Variants in DCAF8L2 observed in about 807,000 individuals in gnomAD.
The protein encoded by DCAF8L2 is DDB1 and CUL4 associated factor 8 like 2, also known as DDB1- and CUL4-associated factor 8-like protein 2.
For synonymous variants in DCAF8L2, 200 were observed against 190.9 expected (o/e 1.05, Z -0.39); for missense variants, 430 against 490.7 (o/e 0.88, Z 1.17).
intron 4 of DCAF8L2, among the ~76,000 whole-genome samples, chrX:27,732,343 T>C (rs1921256294): frequency 9.0e-6 from 1 of 111,481 alleles, no homozygotes; most frequent in South Asian, 3.8e-4. Flanking sequence ...CCGCTTTTTT[T>C]AGATTCTGCA....
intron 1 of DCAF8L2, among the ~76,000 whole-genome samples, chrX:27,590,644 A>C (rs1377562999): frequency 9.0e-6 from 1 of 110,822 alleles, no homozygotes; most frequent in African/African-American, 3.3e-5. Context: ...GAGAAATCTT[A>C]CTTGTTTTTC....
the DCAF8L2 span, among the ~76,000 whole-genome samples, chrX:27,494,340 A>G: frequency 9.0e-6 from 1 of 111,298 alleles, no homozygotes; most frequent in Non-Finnish European, 1.9e-5. Flanking sequence ...TGAGAGGCAG[A>G]GGTTGCGGTG....
At chrX:27,733,122 G>A (rs1344261022) in intron 4 of DCAF8L2, among the ~76,000 whole-genome samples, 1 of 111,166 alleles carries the variant, frequency 9.0e-6, no homozygotes, top group Non-Finnish European at 1.9e-5. Context: ...CTCCCAAAGT[G>A]CTGGGATTAC....
intron 3 of DCAF8L2, among the ~76,000 whole-genome samples, chrX:27,705,573 T>C (rs1430372238): frequency 2.7e-5 from 3 of 111,855 alleles, no homozygotes; most frequent in Admixed American, 9.5e-5. Context: ...CATATGCTTG[T>C]TGGCTGCATG....
At chrX:27,688,502 C>T (rs1436478090) in intron 3 of DCAF8L2, among the ~76,000 whole-genome samples, 1 of 111,649 alleles carries the variant, frequency 9.0e-6, no homozygotes. Context: ...CCCAAAAGGA[C>T]AACTATGAGT....
chrX:27,546,732 T>C, the DCAF8L2 span, among the ~76,000 whole-genome samples: 1 of 112,274 alleles, frequency 8.9e-6, no homozygotes, highest in African/African-American at 3.2e-5. Flanking sequence ...TGTACCTTGG[T>C]CCCTTTTAGC....
At chrX:27,719,696 C>T (rs1009697805) in intron 4 of DCAF8L2, among the ~76,000 whole-genome samples, 2 of 111,348 alleles carry the variant, frequency 1.8e-5, no homozygotes, top group Admixed American at 1.9e-4. Context: ...CCGCACACCT[C>T]AGCCTCCCAA....
intron 4 of DCAF8L2, among the ~76,000 whole-genome samples, chrX:27,744,925 A>G (rs1276585222): frequency 8.9e-6 from 1 of 111,868 alleles, no homozygotes; most frequent in Non-Finnish European, 1.9e-5. Flanking sequence ...CTGACCTTTT[A>G]ACCAAGTAAA....
chrX:27,630,120 T>A (rs1928223861), intron 1 of DCAF8L2, among the ~76,000 whole-genome samples: 1 of 111,846 alleles, frequency 8.9e-6, no homozygotes, highest in Non-Finnish European at 1.9e-5. Context: ...ATTGTTAGTG[T>A]GTAAAAAGCT....
At chrX:27,529,788 C>A in the DCAF8L2 span, among the ~76,000 whole-genome samples, 1 of 111,831 alleles carries the variant, frequency 8.9e-6, no homozygotes, top group Non-Finnish European at 1.9e-5. Flanking sequence ...CAGTAAGTAT[C>A]TGAACCTCAC....
At chrX:27,610,201 T>C (rs958555206) in intron 1 of DCAF8L2, among the ~76,000 whole-genome samples, 1 of 111,483 alleles carries the variant, frequency 9.0e-6, no homozygotes, top group African/African-American at 3.3e-5. Context: ...ATACCTACAA[T>C]AAGTATGTAC....
At chrX:27,548,507 A>C in the DCAF8L2 span, among the ~76,000 whole-genome samples, 1 of 111,825 alleles carries the variant, frequency 8.9e-6, no homozygotes, top group Non-Finnish European at 1.9e-5. Context: ...TCCAGTTAAA[A>C]GAGTTTATTC....
chrX:27,692,778 G>A (rs1930757900), intron 3 of DCAF8L2, among the ~76,000 whole-genome samples: 2 of 111,201 alleles, frequency 1.8e-5, no homozygotes, highest in Non-Finnish European at 3.8e-5. Flanking sequence ...GAAAGTTTCT[G>A]GAGACACTCT....
upstream of DCAF8L2, among the ~76,000 whole-genome samples, chrX:27,587,985 A>AAAAAAATATATATATATATATATATAT: frequency 1.3e-4 from 3 of 22,369 alleles, no homozygotes; most frequent in African/African-American, 3.0e-4. Flanking sequence ...TAAAAAAAAA[A>AAAAAAATATATATATATATATATATAT]ATATATATAT....
the DCAF8L2 span, among the ~76,000 whole-genome samples, chrX:27,470,450 T>C: frequency 5.3e-5 from 6 of 112,349 alleles, no homozygotes; most frequent in African/African-American, 9.7e-5. Flanking sequence ...TTCTGATTGA[T>C]TGATCCCTGC....
chrX:27,515,972 T>C, the DCAF8L2 span, among the ~76,000 whole-genome samples: 1 of 112,369 alleles, frequency 8.9e-6, no homozygotes, highest in Non-Finnish European at 1.9e-5. Context: ...CCTTTCTTTT[T>C]CATAATGTCT....
chrX:27,497,862 C>T, the DCAF8L2 span, among the ~76,000 whole-genome samples: 1 of 112,212 alleles, frequency 8.9e-6, no homozygotes, highest in African/African-American at 3.2e-5. Context: ...CCACCGCACT[C>T]GGCCTCTGCT....
At chrX:27,682,373 A>G (rs764880353) in intron 3 of DCAF8L2, among the ~76,000 whole-genome samples, 10 of 112,012 alleles carry the variant, frequency 8.9e-5, no homozygotes, top group Admixed American at 8.6e-4. Flanking sequence ...TGAATGTAGG[A>G]ATTTCTTATG....
At chrX:27,728,019 C>T (rs181114536) in intron 4 of DCAF8L2, among the ~76,000 whole-genome samples, 2 of 111,685 alleles carry the variant, frequency 1.8e-5, no homozygotes, top group East Asian at 5.7e-4. Context: ...TGACCAACTT[C>T]ATGGGGTAAT....
Sources: gnomAD v4.1 joint callset for allele counts (sites outside exome capture counted in the v4.1 genomes callset) on GRCh38, gnomAD v4.1.1 for gene constraint, MANE v1.5 for transcripts, NCBI Gene and HGNC (gene_info 2026-07-23, HGNC 2026-07-21) for gene names.